PTPRE: variants seen among roughly 807,000 people sequenced by gnomAD.
PTPRE encodes protein tyrosine phosphatase receptor type E, also known as receptor-type tyrosine-protein phosphatase epsilon.
A neutral mutation model predicts 102.0 loss-of-function variants in PTPRE; 51 were observed. The observed-to-expected ratio is 0.50, with a 90% CI of 0.40 to 0.63. The LOEUF is 0.63. Ranked by LOEUF, PTPRE falls within the 30% of genes least tolerant of loss-of-function variation. The pLI, the probability that PTPRE is intolerant of heterozygous loss-of-function variation, is 0.00. For missense variants in PTPRE, 752 were observed against 915.1 expected (o/e 0.82, Z 2.30); for synonymous variants, 345 against 348.2 (o/e 0.99, Z 0.10).
rs78863075 is a variant in PTPRE, at chr10:127,975,239, G to A, written c.-30-7035G>A. ...AGCGGCCTCTAGAAGGTGGATCACC[G>A]TGGTGTCTGCCCGACTTGATGCTCT... On this transcript the variant is annotated intron_variant, in intron 1 of 20. Coordinates refer to ENST00000254667, the MANE Select transcript of PTPRE (RefSeq NM_006504.6). Among the ~76,000 whole-genome samples, 10 of 152,304 alleles carry A rather than the reference G, an allele frequency of 6.6e-5. No homozygotes were observed. In the East Asian group the frequency reaches 7.7e-4, roughly 12 times the overall value.
At chr10:127,985,731 G>A (rs1200384170) in intron 2 of PTPRE, among the ~76,000 whole-genome samples, 2 of 152,138 alleles carry the variant, frequency 1.3e-5, no homozygotes, top group African/African-American at 2.4e-5. Flanking sequence ...GTACTATAGT[G>A]GGTATCAAAA....
At chr10:128,073,051 C>A (rs1208335713) in intron 16 of PTPRE, among the ~76,000 whole-genome samples, 1 of 152,190 alleles carries the variant, frequency 6.6e-6, no homozygotes, top group African/African-American at 2.4e-5. Context: ...AGAATCTAAG[C>A]CACCAGGTGC....
chr10:127,964,999 G>T (rs1564833472), intron 1 of PTPRE: 1 of 456,618 alleles, frequency 2.2e-6, no homozygotes, highest in Admixed American at 2.3e-5. Context: ...CACTGACATG[G>T]TATGAAGGCA....
At chr10:128,065,599 G>C (rs930504499) in intron 10 of PTPRE, among the ~76,000 whole-genome samples, 2 of 152,188 alleles carry the variant, frequency 1.3e-5, no homozygotes, top group Non-Finnish European at 2.9e-5. Flanking sequence ...CATCACTCTT[G>C]AATGGCAGAC....
At chr10:128,031,401 G>T (rs1010879299) in intron 2 of PTPRE, among the ~76,000 whole-genome samples, 3 of 152,250 alleles carry the variant, frequency 2.0e-5, no homozygotes, top group Admixed American at 1.3e-4. Flanking sequence ...GGGAGACAGC[G>T]GGAGGGCTGT....
At chr10:128,022,435 G>A (rs950765092) in intron 2 of PTPRE, among the ~76,000 whole-genome samples, 2 of 152,234 alleles carry the variant, frequency 1.3e-5, no homozygotes, top group Non-Finnish European at 2.9e-5. Context: ...TGTGAAGCTC[G>A]GGTCCAGAAC....
chr10:128,043,434 C>G (rs999258032), intron 3 of PTPRE, among the ~76,000 whole-genome samples: 16 of 152,144 alleles, frequency 1.1e-4, no homozygotes, highest in African/African-American at 3.9e-4. Flanking sequence ...GCTGATCTGA[C>G]GGGGGGCGGC....
intron 1 of PTPRE, among the ~76,000 whole-genome samples, chr10:127,973,797 A>T (rs530689510): frequency 6.6e-6 from 1 of 152,226 alleles, no homozygotes; most frequent in East Asian, 1.9e-4. Flanking sequence ...ACCTCTGTCG[A>T]TGGCAACGCT....
At chr10:128,061,556 C>T in intron 8 of PTPRE, 123 bp from the exon 9 acceptor site, 1 of 1,227,894 alleles carries the variant, frequency 8.1e-7, no homozygotes, top group Non-Finnish European at 1.1e-6. Flanking sequence ...CCTTCTTAAC[C>T]TTTTCCTGTG....
intron 2 of PTPRE, among the ~76,000 whole-genome samples, chr10:128,011,187 G>A (rs1422166695): frequency 6.6e-6 from 1 of 152,186 alleles, no homozygotes; most frequent in Non-Finnish European, 1.5e-5. Flanking sequence ...TTCTTGGCTG[G>A]GGTAGAGATA....
At chr10:128,072,040 A>G in intron 15 of PTPRE, 98 bp from the exon 16 acceptor site, 1 of 894,028 alleles carries the variant, frequency 1.1e-6, no homozygotes, top group Non-Finnish European at 1.7e-6. Context: ...TAGTGATTTT[A>G]TTAATAGGAT....
At chr10:128,018,126 G>T (rs1845585531) in intron 2 of PTPRE, among the ~76,000 whole-genome samples, 3 of 152,142 alleles carry the variant, frequency 2.0e-5, no homozygotes, top group African/African-American at 4.8e-5. Context: ...ACTGAGAGGG[G>T]TGCCTGTTCC....
intron 2 of PTPRE, among the ~76,000 whole-genome samples, chr10:127,992,127 G>A (rs1382460348): frequency 1.3e-5 from 2 of 152,162 alleles, no homozygotes; most frequent in East Asian, 3.9e-4. Flanking sequence ...CAAGGAGGTG[G>A]CAGGAGGGGT....
At chr10:128,049,388 T>C (rs982876160) in intron 5 of PTPRE, 142 bp from the exon 6 acceptor site, 10 of 1,067,146 alleles carry the variant, frequency 9.4e-6, no homozygotes, top group Non-Finnish European at 1.3e-5. Context: ...GGGACCCGGC[T>C]TAGCCCAGCT....
At chr10:128,045,590 C>T (rs182161047) in intron 3 of PTPRE, among the ~76,000 whole-genome samples, 79 of 152,270 alleles carry the variant, frequency 5.2e-4, no homozygotes, top group African/African-American at 1.5e-3. Context: ...CCAGGCCCTC[C>T]GTGGGGCTGG....
At chr10:128,034,331 C>CG (rs1300936208) in intron 2 of PTPRE, among the ~76,000 whole-genome samples, 3 of 151,784 alleles carry the variant, frequency 2.0e-5, no homozygotes, top group Non-Finnish European at 2.9e-5. Flanking sequence ...CACCACCCCC[C>CG]CCACCGACAC....
intron 3 of PTPRE, among the ~76,000 whole-genome samples, chr10:128,043,857 G>C (rs561265058): frequency 5.3e-5 from 8 of 152,330 alleles, no homozygotes; most frequent in Non-Finnish European, 1.2e-4. Context: ...AGCCGTACCA[G>C]AAAAGCAAGC....
At chr10:127,935,271 C>T (rs1409974373) in intron 1 of PTPRE, among the ~76,000 whole-genome samples, 3 of 152,278 alleles carry the variant, frequency 2.0e-5, no homozygotes, top group African/African-American at 2.4e-5. Flanking sequence ...CCTTTGCTGG[C>T]GGCAGGATGC....
intron 2 of PTPRE, among the ~76,000 whole-genome samples, chr10:127,992,666 T>C (rs1852799583): frequency 6.6e-6 from 1 of 152,182 alleles, no homozygotes; most frequent in African/African-American, 2.4e-5. Context: ...CTGATGCACC[T>C]GCATCAGAAA....
Sources: allele counts gnomAD v4.1 joint callset (sites outside exome capture counted in the v4.1 genomes callset), GRCh38; gene constraint gnomAD v4.1.1; transcripts MANE v1.5; gene names NCBI Gene and HGNC (gene_info 2026-07-23, HGNC 2026-07-21).